Variants in OXTR observed in about 807,000 individuals in gnomAD.
OXTR encodes the protein oxytocin receptor.
In OXTR, 19 loss-of-function variants were observed where a neutral mutation model predicts 23.9. The observed-to-expected ratio is 0.80, with a 90% CI of 0.56 to 1.17. The LOEUF (loss-of-function observed/expected upper bound fraction) is 1.17. OXTR is among the 50% of genes most tolerant of loss of function. OXTR has a pLI of 0.00. For synonymous variants in OXTR, 278 were observed against 250.5 expected (o/e 1.11, Z -1.04); for missense variants, 500 against 550.7 (o/e 0.91, Z 0.92).
intron 3 of OXTR, among the ~76,000 whole-genome samples, chr3:8,753,712 G>A (rs1389939102): frequency 6.6e-6 from 1 of 152,218 alleles, no homozygotes; most frequent in Non-Finnish European, 1.5e-5. Context: ...GGCATAAGGA[G>A]AGTGCCCAAA....
chr3:8,761,592 A>T (rs1029163826), intron 3 of OXTR, among the ~76,000 whole-genome samples: 1 of 152,096 alleles, frequency 6.6e-6, no homozygotes, highest in Non-Finnish European at 1.5e-5. Context: ...CTCAGCAGTG[A>T]TCGTGGGCAG....
Position 8,768,423 on chromosome 3 carries a change from T to A in OXTR, c.-143+73A>T. The A allele has an allele frequency of 1.7e-6, 1 of 576,992 alleles. No individual in the cohort carries two copies. The highest frequency in any genetic ancestry group is 4.1e-5 in the East Asian group (1 of 24,564). The allele number at this position is 576,992 out of a possible 1,614,324, so 35.7% of individuals were successfully genotyped here. Reference sequence around the variant, plus strand: ...GTCCCATTCCCAGGAACCCAACTCATCTGAAACAACAGGGCACAACCGCCG... The same window carrying A: ...GTCCCATTCCCAGGAACCCAACTCAACTGAAACAACAGGGCACAACCGCCG... On this transcript the variant is annotated intron_variant, in intron 2 of 3. Transcript: ENST00000316793. The surrounding 1 kb of genome is among the most constrained non-coding windows in gnomAD (Gnocchi z 5.4).
rs754935140 is a variant in OXTR at position 8,767,573 on chromosome 3, C to T, written c.615G>A (p.Thr205=). The part of the protein sequence containing the change: ...WGPKAYITWI[T]LAVYIVPVIV... ...TGACCGGCACGATGTAGACAGCTAG[C>T]GTGATCCATGTGATGTAGGCCTTGG... Residue 205 remains threonine (T), a synonymous_variant, in exon 3 of 4, where the codon ACG becomes ACA. Coordinates refer to ENST00000316793, the MANE Select transcript of OXTR (RefSeq NM_000916.4). The T allele has an allele frequency of 1.2e-6, 2 of 1,613,472 alleles. No individual in the cohort carries two copies. Among genetic ancestry groups the T allele is most frequent in the South Asian group, 1.1e-5 (1 of 91,072 alleles).
At chr3:8,761,597 G>A (rs2125002136) in intron 3 of OXTR, among the ~76,000 whole-genome samples, 1 of 152,280 alleles carries the variant, frequency 6.6e-6, no homozygotes, top group African/African-American at 2.4e-5. Flanking sequence ...CAGTGATCGT[G>A]GGCAGGTCAC....
chr3:8,745,554 C>T (rs1060502317), downstream of OXTR: 1 of 1,614,148 alleles, frequency 6.2e-7, no homozygotes, highest in South Asian at 1.1e-5. This position sits in a 1 kb window ranked among gnomAD's most constrained non-coding sequence, Gnocchi z 4.8. Context: ...ATCGCAGAGC[C>T]TGTGGGCACC....
At chr3:8,756,190 G>C (rs1314984076) in intron 3 of OXTR, among the ~76,000 whole-genome samples, 1 of 152,094 alleles carries the variant, frequency 6.6e-6, no homozygotes, top group African/African-American at 2.4e-5. Context: ...AGAGGACTTG[G>C]AACAGAAAAA....
chr3:8,741,782 C>T, the OXTR span, among the ~76,000 whole-genome samples: 8 of 152,120 alleles, frequency 5.3e-5, no homozygotes, highest in Admixed American at 1.3e-4. Flanking sequence ...TGTTGTCCTC[C>T]CCCGCATCCT....
At chr3:8,749,098 G>C (rs1338900083), downstream of OXTR, among the ~76,000 whole-genome samples, 1 of 152,128 alleles carries the variant, frequency 6.6e-6, no homozygotes, top group Admixed American at 6.5e-5. Context: ...AGAAACAACT[G>C]AACCCAAGGT....
rs530617863 is a variant in OXTR, at chr3:8,751,304, C to T, written c.*1673G>A. 10 of 152,170 alleles carry T rather than the reference C, an allele frequency of 6.6e-5. No individual in the cohort carries two copies. The highest frequency in any genetic ancestry group is 2.2e-4 in the African/African-American group (9 of 41,516). The allele number at this position is 152,170 out of a possible 1,614,324, so 9.4% of individuals were successfully genotyped here. Reference sequence around the variant, plus strand: ...CAAGCCCCTTATCATATATATGACTCGCAAATATTTTCTCCCATTCTGCAG... The same window carrying T: ...CAAGCCCCTTATCATATATATGACTTGCAAATATTTTCTCCCATTCTGCAG... On this transcript the variant is annotated 3_prime_UTR_variant, in exon 4 of 4. Transcript: ENST00000316793.
chr3:8,757,222 GA>G (rs1399700160), intron 3 of OXTR, among the ~76,000 whole-genome samples: 2 of 151,850 alleles, frequency 1.3e-5, no homozygotes, highest in African/African-American at 4.8e-5. Context: ...AAAAATTAAA[GA>G]TCGTGTAAAA....
chr3:8,745,298 T>A, the OXTR span, among the ~76,000 whole-genome samples: 2 of 152,146 alleles, frequency 1.3e-5, no homozygotes, highest in Admixed American at 6.5e-5. The surrounding 1 kb of genome is among the most constrained non-coding windows in gnomAD (Gnocchi z 4.8). Flanking sequence ...GCACCATGAT[T>A]CCTGCACAGA....
rs1040089991 is a variant in OXTR at position 8,750,988 on chromosome 3, A to G, written c.*1989T>C. ...TTTTCAAAGCAGGTGCACCATTTACATTCCCACCAACAATTTAAATTTCTA... is the reference window on the plus strand; with the variant it reads ...TTTTCAAAGCAGGTGCACCATTTACGTTCCCACCAACAATTTAAATTTCTA... On this transcript the variant is annotated 3_prime_UTR_variant, in exon 4 of 4. Transcript: ENST00000316793. 2 of 152,202 alleles carry G rather than the reference A, an allele frequency of 1.3e-5. No homozygotes were observed. Among genetic ancestry groups the G allele is most frequent in the African/African-American group, 4.8e-5 (2 of 41,446 alleles). The allele number at this position is 152,202 out of a possible 1,614,324, so 9.4% of individuals were successfully genotyped here. A position where few individuals can be genotyped will look rare whatever the true frequency, so the allele number is the denominator to read the frequency against.
chr3:8,756,183 G>A (rs1708370520), intron 3 of OXTR, among the ~76,000 whole-genome samples: 1 of 152,112 alleles, frequency 6.6e-6, no homozygotes, highest in Admixed American at 6.6e-5. Context: ...GGATTACAGA[G>A]GACTTGGAAC....
chr3:8,758,569 G>A (rs1355810912), intron 3 of OXTR, among the ~76,000 whole-genome samples: 1 of 152,194 alleles, frequency 6.6e-6, no homozygotes, highest in Non-Finnish European at 1.5e-5. Flanking sequence ...ATTTTTGAAT[G>A]TATGCTTATA....
At chr3:8,757,769 C>A (rs560699691) in intron 3 of OXTR, among the ~76,000 whole-genome samples, 144 of 152,026 alleles carry the variant, frequency 9.5e-4, no homozygotes, top group African/African-American at 3.3e-3. Context: ...ACCCGGACTC[C>A]GCGGGGGCCG....
In OXTR at chr3:8,752,852, C is replaced by T. The variant is rs1485642634; in HGVS notation, c.*125G>A. The T allele has an allele frequency of 2.7e-6, 3 of 1,092,328 alleles. No homozygotes were observed. In the Admixed American group the frequency reaches 8.6e-5, roughly 31 times the overall value. The allele number at this position is 1,092,328 out of a possible 1,614,324, so 67.7% of individuals were successfully genotyped here. On this transcript the variant is annotated 3_prime_UTR_variant, in exon 4 of 4. Transcript: ENST00000316793. ...ACTCTCCACCCCACTGAAGCCACCC[C>T]AAGGAGGGGAGGGATACAAACTGAT... is the stretch of plus-strand genomic sequence containing the variant.
At chr3:8,762,178 G>T (rs1166905894) in intron 3 of OXTR, among the ~76,000 whole-genome samples, 1 of 152,116 alleles carries the variant, frequency 6.6e-6, no homozygotes, top group African/African-American at 2.4e-5. Context: ...ATCTCCTCCT[G>T]ATCCGAGGCC....
At chr3:8,766,888 C>A (rs1708619060) in intron 3 of OXTR, among the ~76,000 whole-genome samples, 1 of 152,172 alleles carries the variant, frequency 6.6e-6, no homozygotes, top group Admixed American at 6.5e-5. Context: ...ACCTCCACCA[C>A]CTCCTCCTAA....
the OXTR span, among the ~76,000 whole-genome samples, chr3:8,741,699 T>C: frequency 1.3e-5 from 2 of 152,126 alleles, no homozygotes; most frequent in South Asian, 4.2e-4. Context: ...CTATTTGAAT[T>C]GTCCAAGGTC....
Sources: allele counts gnomAD v4.1 joint callset (sites outside exome capture counted in the v4.1 genomes callset), GRCh38; gene constraint gnomAD v4.1.1; non-coding constraint Gnocchi (gnomAD v3.1); transcripts MANE v1.5; gene names NCBI Gene and HGNC (gene_info 2026-07-23, HGNC 2026-07-21).